The following BRCA1 variants were observed in gnomAD, a reference collection of about 807,000 sequenced individuals.
BRCA1 encodes the protein BRCA1 DNA repair associated.
Under a neutral mutation model 173.7 loss-of-function variants are expected in BRCA1, and 140 were observed. That is an observed-to-expected ratio of 0.81 (90% CI 0.70 to 0.93). The LOEUF is 0.93. BRCA1 is among the 40% of genes least tolerant of loss of function. The probability of loss-of-function intolerance (pLI) is 0.00; values close to 1 mark genes in which losing one functional copy is unlikely to be tolerated. For synonymous variants in BRCA1, 662 were observed against 756.0 expected (o/e 0.88, Z 2.04); for missense variants, 1,983 against 2,172.5 (o/e 0.91, Z 1.73).
rs796230530 is a variant in BRCA1 at position 43,100,620 on chromosome 17, CATAT to C, written c.442-744_442-741del. On this transcript the variant is annotated intron_variant, in intron 6 of 22. Transcript: ENST00000357654. ...TTATATATATATAACATATATATAA[CATAT>C]ATATATGTTATATATATATAACATA... Among the ~76,000 whole-genome samples, 31 of 11,946 alleles carry C rather than the reference CATAT, an allele frequency of 2.6e-3. 3 individuals are homozygous for C. Among genetic ancestry groups the C allele is most frequent in the African/African-American group, 4.8e-3 (31 of 6,470 alleles). The allele number at this position is 11,946 out of a possible 152,430, so 7.8% of individuals were successfully genotyped here.
chr17:43,060,542 A>C (rs925494420), intron 18 of BRCA1, among the ~76,000 whole-genome samples: 1 of 151,698 alleles, frequency 6.6e-6, no homozygotes, highest in African/African-American at 2.4e-5. Context: ...TTCAGGCTGG[A>C]GTGCAGTGAT....
At chr17:43,079,132 C>A (rs1438017567) in intron 12 of BRCA1, among the ~76,000 whole-genome samples, 1 of 152,062 alleles carries the variant, frequency 6.6e-6, no homozygotes. Flanking sequence ...CGAAATCACA[C>A]CATTGCACTC....
At chr17:43,154,485 A>AAAC (rs1555604782) in intron 1 of BRCA1, among the ~76,000 whole-genome samples, 3 of 151,938 alleles carry the variant, frequency 2.0e-5, no homozygotes, top group African/African-American at 7.3e-5. Flanking sequence ...CTCCATCTCA[A>AAAC]AATAATAATA....
chr17:43,073,627 C>G (rs1201350837), intron 14 of BRCA1, among the ~76,000 whole-genome samples: 1 of 150,892 alleles, frequency 6.6e-6, no homozygotes, highest in African/African-American at 2.4e-5. Context: ...CATTTATATT[C>G]ATTAACTCAT....
At chr17:43,104,769 A>T (rs2154551070) in intron 5 of BRCA1, 99 bp downstream of exon 5, 1 of 1,075,882 alleles carries the variant, frequency 9.3e-7, no homozygotes, top group Admixed American at 1.7e-5. Context: ...AACCTAGACT[A>T]AAAGGTCTTA....
At chr17:43,109,393 C>A (rs2054940412) in intron 3 of BRCA1, among the ~76,000 whole-genome samples, 1 of 152,078 alleles carries the variant, frequency 6.6e-6, no homozygotes. Flanking sequence ...GTAGCAAAGC[C>A]CACAATCTTC....
chr17:43,071,366 G>T, intron 14 of BRCA1, 128 bp from the exon 15 acceptor site: 2 of 1,053,420 alleles, frequency 1.9e-6, no homozygotes, highest in Non-Finnish European at 2.8e-6. Context: ...TGAATACAGT[G>T]TTGGTGGAAA....
At chr17:43,101,168 T>C (rs1028048281) in intron 6 of BRCA1, among the ~76,000 whole-genome samples, 1 of 151,578 alleles carries the variant, frequency 6.6e-6, no homozygotes, top group South Asian at 2.1e-4. Context: ...TTTTGAAAAA[T>C]GAATGCTGGT....
chr17:43,162,092 G>A (rs1341915476), intron 1 of BRCA1: 1 of 152,160 alleles, frequency 6.6e-6, no homozygotes, highest in Non-Finnish European at 1.5e-5. Context: ...AAGGGGATTG[G>A]TTATTACTAG....
rs1384309867 is a variant in BRCA1, at chr17:43,097,343, G to A, written c.548-54C>T. The A allele has an allele frequency of 2.8e-6, 4 of 1,409,406 alleles. No homozygotes were observed. The highest frequency in any genetic ancestry group is 4.0e-6 in the Non-Finnish European group (4 of 1,002,664). 87.3% of individuals were successfully genotyped at this position (1,409,406 alleles called of 1,614,324 possible). On this transcript the variant is annotated intron_variant, in intron 7 of 22. Coordinates refer to ENST00000357654, the MANE Select transcript of BRCA1 (RefSeq NM_007294.4). ...CAATAAAAGTTTTCTTAATTAAAAG[G>A]GTTAAAAAAATGTACTTGTTGAAAA...
At chr17:43,157,798 ACC>A (rs2056207051) in intron 1 of BRCA1, among the ~76,000 whole-genome samples, 1 of 151,998 alleles carries the variant, frequency 6.6e-6, no homozygotes, top group Non-Finnish European at 1.5e-5. Context: ...GGAGTTTGAG[ACC>A]AGCCTGATCA....
intron 21 of BRCA1, 69 bp from the exon 22 acceptor site, chr17:43,047,772 T>A: frequency 1.3e-6 from 2 of 1,504,378 alleles, no homozygotes; most frequent in Non-Finnish European, 1.8e-6. Context: ...CACTTCATCA[T>A]TTTTTTTGTT....
intron 16 of BRCA1, among the ~76,000 whole-genome samples, chr17:43,064,354 T>C (rs1048807751): frequency 7.9e-5 from 12 of 152,234 alleles, no homozygotes; most frequent in African/African-American, 2.9e-4. Context: ...GAAAACAGTA[T>C]TGTTGAAAAC....
At chr17:43,169,374 G>A (rs373533675) in intron 1 of BRCA1, among the ~76,000 whole-genome samples, 18 of 152,202 alleles carry the variant, frequency 1.2e-4, no homozygotes, top group African/African-American at 4.3e-4. Context: ...TCACCACGAT[G>A]GTCAGGCTGG....
At chr17:43,129,999 T>C (rs2154581297), upstream of BRCA1, among the ~76,000 whole-genome samples, 1 of 152,214 alleles carries the variant, frequency 6.6e-6, no homozygotes, top group South Asian at 2.1e-4. Context: ...AAACAAAGAA[T>C]GGAGAAAACT....
intron 1 of BRCA1, chr17:43,166,132 C>G (rs1340046659): frequency 3.5e-4 from 32 of 92,586 alleles, no homozygotes; most frequent in Non-Finnish European, 7.3e-4. Context: ...CTTCCTCTCT[C>G]TCTGTGTGTG....
In BRCA1 at chr17:43,137,136, A is replaced by G. The variant is rs1259531912; in HGVS notation, c.-19-13021T>C. ...ATGAGTTCATGTCCTTTGTAGGGACATGGATGAAGCTGGAAACCATCATTC... is the reference window on the plus strand; with the variant it reads ...ATGAGTTCATGTCCTTTGTAGGGACGTGGATGAAGCTGGAAACCATCATTC... On this transcript the variant is annotated intron_variant, in intron 1 of 7. Coordinates refer to the BRCA1 transcript ENST00000634433. Among the ~76,000 whole-genome samples the G allele has an allele frequency of 2.0e-5, 3 of 152,026 alleles. No individual in the cohort carries two copies. In the South Asian group the frequency reaches 6.2e-4, roughly 32 times the overall value.
At chr17:43,052,624 T>C (rs1415116274) in intron 19 of BRCA1, among the ~76,000 whole-genome samples, 1 of 152,134 alleles carries the variant, frequency 6.6e-6, no homozygotes, top group Non-Finnish European at 1.5e-5. Context: ...TCTCAGTGTC[T>C]TGACCTTCCC....
chr17:43,150,482 T>C (rs2056153557), intron 1 of BRCA1, among the ~76,000 whole-genome samples: 1 of 152,214 alleles, frequency 6.6e-6, no homozygotes, highest in Non-Finnish European at 1.5e-5. Context: ...TTTACAGGTG[T>C]CCTGGGCCAT....
Sources: gnomAD v4.1 joint callset for allele counts (sites outside exome capture counted in the v4.1 genomes callset) on GRCh38, gnomAD v4.1.1 for gene constraint, MANE v1.5 for transcripts, NCBI Gene and HGNC (gene_info 2026-07-23, HGNC 2026-07-21) for gene names.